GRIN2B: variants seen among roughly 807,000 people sequenced by gnomAD.
The protein encoded by GRIN2B is glutamate ionotropic receptor NMDA type subunit 2B.
Under a neutral mutation model 114.5 loss-of-function variants are expected in GRIN2B, and 5 were observed. The observed-to-expected ratio is 0.04, with a 90% CI of 0.02 to 0.09. GRIN2B has a LOEUF of 0.09. Among genes scored for constraint, GRIN2B ranks in the 10% least tolerant of loss-of-function variants. The pLI is 1.00. For synonymous variants in GRIN2B, 787 were observed against 745.1 expected (o/e 1.06, Z -0.92); for missense variants, 1,108 against 1,943.5 (o/e 0.57, Z 8.08).
Position 13,552,019 on chromosome 12 carries a change from G to A in GRIN2B, c.*10764C>T, listed in dbSNP as rs1948419743. On this transcript the variant is annotated 3_prime_UTR_variant, in exon 14 of 14. Coordinates refer to ENST00000609686, the MANE Select transcript of GRIN2B (RefSeq NM_000834.5). ...AACAGGTAATATACTTATCCTAGAG[G>A]AGCAGGCAGCTCAACAAATTCGCAT... 1.3e-5 allele frequency: 2 copies of A among 152,148 alleles called. No individual in the cohort carries two copies. Among genetic ancestry groups the A allele is most frequent in the African/African-American group, 4.8e-5 (2 of 41,420 alleles). 9.4% of individuals were successfully genotyped at this position (152,148 alleles called of 1,614,324 possible). A position where few individuals can be genotyped will look rare whatever the true frequency, so the allele number is the denominator to read the frequency against.
At chr12:13,657,105 T>C (rs1565490771) in intron 5 of GRIN2B, among the ~76,000 whole-genome samples, 1 of 152,020 alleles carries the variant, frequency 6.6e-6, no homozygotes. Flanking sequence ...GGCCTGGGAG[T>C]TGCTTTGCTG....
chr12:13,703,599 A>C (rs553695279), intron 4 of GRIN2B, among the ~76,000 whole-genome samples: 27 of 152,310 alleles, frequency 1.8e-4, no homozygotes, highest in Admixed American at 9.8e-4. Context: ...ACATACACAC[A>C]CAAATATGCA....
intron 8 of GRIN2B, among the ~76,000 whole-genome samples, chr12:13,614,746 C>G (rs1949413800): frequency 6.6e-6 from 1 of 152,186 alleles, no homozygotes; most frequent in Admixed American, 6.5e-5. Context: ...AAGAAGCAGT[C>G]TCAGAGATCA....
intron 3 of GRIN2B, among the ~76,000 whole-genome samples, chr12:13,858,327 A>C (rs554876758): frequency 6.6e-6 from 1 of 152,356 alleles, no homozygotes; most frequent in East Asian, 1.9e-4. Flanking sequence ...AAATAGAATT[A>C]TAGCAATAAA....
At chr12:13,901,464 G>A (rs1481999138) in intron 2 of GRIN2B, among the ~76,000 whole-genome samples, 2 of 152,058 alleles carry the variant, frequency 1.3e-5, no homozygotes, top group East Asian at 1.9e-4. Flanking sequence ...ATCTAAATCA[G>A]TGTTGTCTAT....
intron 4 of GRIN2B, among the ~76,000 whole-genome samples, chr12:13,709,234 TCATAA>T (rs1950392475): frequency 6.6e-6 from 1 of 151,888 alleles, no homozygotes; most frequent in African/African-American, 2.4e-5. Flanking sequence ...GCTCAGAAAC[TCATAA>T]CATAATATTT....
chr12:13,742,969 G>A (rs1269092677), intron 4 of GRIN2B, among the ~76,000 whole-genome samples: 1 of 152,164 alleles, frequency 6.6e-6, no homozygotes, highest in Admixed American at 6.5e-5. Context: ...TAGGCATGGG[G>A]ATGAAGGATA....
chr12:13,729,052 G>A (rs939048489), intron 4 of GRIN2B, among the ~76,000 whole-genome samples: 4 of 152,108 alleles, frequency 2.6e-5, no homozygotes, highest in African/African-American at 7.2e-5. Flanking sequence ...TCTCACTTAC[G>A]GTATTGTGTC....
intron 3 of GRIN2B, among the ~76,000 whole-genome samples, chr12:13,837,035 T>C (rs1359414785): frequency 6.6e-6 from 1 of 152,240 alleles, no homozygotes; most frequent in Non-Finnish European, 1.5e-5. Flanking sequence ...TCATTTTCTC[T>C]ATAGATTTAT....
chr12:13,673,754 G>A (rs1423467127), intron 5 of GRIN2B, among the ~76,000 whole-genome samples: 2 of 151,912 alleles, frequency 1.3e-5, no homozygotes, highest in African/African-American at 2.4e-5. Flanking sequence ...ATGGTGAGTG[G>A]TGTCTCTTTA....
chr12:13,607,327 A>ATT, intron 10 of GRIN2B, among the ~76,000 whole-genome samples: 5 of 56,288 alleles, frequency 8.9e-5, no homozygotes, highest in African/African-American at 3.7e-4. Flanking sequence ...TAAAATATAT[A>ATT]ATATATATTA....
chr12:13,577,222 C>T (rs374248631), intron 10 of GRIN2B, among the ~76,000 whole-genome samples: 16 of 152,302 alleles, frequency 1.1e-4, no homozygotes, highest in East Asian at 3.9e-4. Context: ...TCCTTCCCAC[C>T]GCATTTAACA....
intron 2 of GRIN2B, among the ~76,000 whole-genome samples, chr12:13,965,351 C>T (rs1231984652): frequency 6.6e-6 from 1 of 152,336 alleles, no homozygotes; most frequent in East Asian, 1.9e-4. Context: ...TACACTGGCT[C>T]TCAGAGATCT....
intron 10 of GRIN2B, among the ~76,000 whole-genome samples, chr12:13,582,708 G>A (rs903730874): frequency 1.6e-4 from 24 of 151,864 alleles, no homozygotes; most frequent in African/African-American, 5.3e-4. Flanking sequence ...TGAACTCAAC[G>A]TGGAGCTGGG....
intron 5 of GRIN2B, among the ~76,000 whole-genome samples, chr12:13,636,317 A>G (rs773833076): frequency 2.0e-5 from 3 of 152,168 alleles, no homozygotes; most frequent in Non-Finnish European, 2.9e-5. Flanking sequence ...GATAGGGAGG[A>G]CACAGACCAT....
intron 3 of GRIN2B, among the ~76,000 whole-genome samples, chr12:13,862,751 G>A (rs1865770128): frequency 1.3e-5 from 2 of 151,950 alleles, no homozygotes; most frequent in African/African-American, 4.8e-5. Context: ...TTTTCTCTGA[G>A]ATTTGGGGAC....
chr12:13,771,774 G>A (rs534516623), intron 3 of GRIN2B, among the ~76,000 whole-genome samples: 17 of 152,288 alleles, frequency 1.1e-4, no homozygotes, highest in Non-Finnish European at 1.2e-4. Context: ...ATTTCATATT[G>A]GTTTACAAAC....
intron 2 of GRIN2B, among the ~76,000 whole-genome samples, chr12:13,925,371 A>G (rs1413523034): frequency 2.0e-5 from 3 of 152,244 alleles, no homozygotes; most frequent in Admixed American, 1.3e-4. Context: ...AAGAGACTCC[A>G]ACAAAAGGAG....
At chr12:13,937,508 A>C (rs1352983949) in intron 2 of GRIN2B, among the ~76,000 whole-genome samples, 1 of 152,092 alleles carries the variant, frequency 6.6e-6, no homozygotes, top group Non-Finnish European at 1.5e-5. Context: ...AAAAGAAAAA[A>C]AAAGAGAAAA....
Sources: allele counts gnomAD v4.1 joint callset (sites outside exome capture counted in the v4.1 genomes callset), GRCh38; gene constraint gnomAD v4.1.1; transcripts MANE v1.5; gene names NCBI Gene and HGNC (gene_info 2026-07-23, HGNC 2026-07-21).